Variants in CNPY1 observed in about 807,000 individuals in gnomAD.
CNPY1 encodes protein canopy homolog 1.
Under a neutral mutation model 14.4 loss-of-function variants are expected in CNPY1, and 14 were observed. The ratio of observed to expected loss-of-function variants is 0.97; its 90% CI spans 0.64 to 1.52. CNPY1 has a LOEUF of 1.52. CNPY1 is among the 40% of genes most tolerant of loss of function. The pLI, the probability that CNPY1 is intolerant of heterozygous loss-of-function variation, is 0.00. For synonymous variants in CNPY1, 43 were observed against 46.5 expected (o/e 0.92, Z 0.31); for missense variants, 129 against 131.5 (o/e 0.98, Z 0.09).
chr7:155,528,887 T>C (rs543698312), intron 2 of CNPY1, among the ~76,000 whole-genome samples: 1,725 of 152,108 alleles, frequency 0.011, 26 homozygotes, highest in African/African-American at 0.038. Context: ...GATGAAACTG[T>C]GTCTCTACTA....
chr7:155,530,805 C>A (rs1163234960), intron 2 of CNPY1, among the ~76,000 whole-genome samples: 1 of 152,212 alleles, frequency 6.6e-6, no homozygotes, highest in Non-Finnish European at 1.5e-5. Context: ...CTGTGCACTG[C>A]GGTGCTGAGC....
At chr7:155,504,237 G>T (rs983249591) in intron 4 of CNPY1, among the ~76,000 whole-genome samples, 4 of 151,900 alleles carry the variant, frequency 2.6e-5, no homozygotes, top group African/African-American at 9.7e-5. Context: ...ACCTTTCATG[G>T]ATATTTTTTT....
chr7:155,504,905 G>A (rs1007389740), intron 4 of CNPY1, among the ~76,000 whole-genome samples: 5 of 152,130 alleles, frequency 3.3e-5, no homozygotes, highest in Admixed American at 6.5e-5. Flanking sequence ...AGTCTTCTAC[G>A]GTACGAACAT....
At chr7:155,522,173 C>CT (rs1796738862) in intron 2 of CNPY1, among the ~76,000 whole-genome samples, 2 of 152,270 alleles carry the variant, frequency 1.3e-5, no homozygotes, top group South Asian at 4.1e-4. Flanking sequence ...CTGAGGATGC[C>CT]TTCTGGGCCA....
At chr7:155,507,471 T>TAAAAAAAAAAAAAAAAAAAAAAAAAAAA (rs35711313) in intron 3 of CNPY1, among the ~76,000 whole-genome samples, 2 of 54,144 alleles carry the variant, frequency 3.7e-5, no homozygotes, top group African/African-American at 2.0e-4. Flanking sequence ...GTTTTTAAAC[T>TAAAAAAAAAAAAAAAAAAAAAAAAAAAA]AAAAAAAAAA....
chr7:155,516,802 C>T (rs970746159), intron 2 of CNPY1, among the ~76,000 whole-genome samples: 2 of 152,296 alleles, frequency 1.3e-5, no homozygotes, highest in South Asian at 2.1e-4. Context: ...CTTGGTCCCG[C>T]CTGGCCACCT....
intron 2 of CNPY1, among the ~76,000 whole-genome samples, chr7:155,542,340 A>AC (rs1701064060): frequency 1.3e-5 from 2 of 151,910 alleles, no homozygotes; most frequent in Non-Finnish European, 2.9e-5. Context: ...CCAAGGAGTG[A>AC]CCCCCCAACC....
intron 2 of CNPY1, among the ~76,000 whole-genome samples, chr7:155,528,450 G>T (rs886835881): frequency 6.6e-6 from 1 of 152,202 alleles, no homozygotes; most frequent in African/African-American, 2.4e-5. Flanking sequence ...GCTACGCCGT[G>T]GGGGGATCAG....
At chr7:155,506,954 C>T in intron 4 of CNPY1, 66 bp downstream of exon 4, 1 of 1,099,074 alleles carries the variant, frequency 9.1e-7, no homozygotes. Flanking sequence ...AAACAAGACG[C>T]TGCAAGGCTG....
intron 2 of CNPY1, among the ~76,000 whole-genome samples, chr7:155,516,390 G>A (rs1796622749): frequency 6.6e-6 from 1 of 152,192 alleles, no homozygotes; most frequent in Non-Finnish European, 1.5e-5. Context: ...CAGTGGGAGA[G>A]GATGAGAGTT....
intron 3 of CNPY1, 50 bp downstream of exon 3, chr7:155,508,843 CA>C (rs773905693): frequency 3.7e-5 from 59 of 1,591,572 alleles, no homozygotes; most frequent in Non-Finnish European, 2.2e-5. Context: ...AAAAGAGTTC[CA>C]AAAACACGTT....
At chr7:155,529,573 G>T (rs1049880796) in intron 2 of CNPY1, among the ~76,000 whole-genome samples, 2 of 152,044 alleles carry the variant, frequency 1.3e-5, no homozygotes, top group African/African-American at 4.8e-5. Context: ...GCTTATGGAC[G>T]CATCACTGCC....
At chr7:155,543,973 G>A (rs989218706) in intron 2 of CNPY1, among the ~76,000 whole-genome samples, 7 of 152,274 alleles carry the variant, frequency 4.6e-5, no homozygotes, top group Middle Eastern at 3.4e-3. Flanking sequence ...CAACTTGATC[G>A]CCTTGAAGTG....
chr7:155,507,230 T>C, intron 3 of CNPY1, 114 bp from the exon 4 acceptor site: 1 of 693,630 alleles, frequency 1.4e-6, no homozygotes, highest in Non-Finnish European at 2.6e-6. Flanking sequence ...GTAACCAAGG[T>C]GGTCCATTTT....
chr7:155,524,935 T>C (rs1418330984), intron 2 of CNPY1, among the ~76,000 whole-genome samples: 16 of 152,082 alleles, frequency 1.1e-4, no homozygotes, highest in Admixed American at 9.8e-4. Flanking sequence ...TCAGGTCTAT[T>C]AGGTGGTGGC....
At chr7:155,503,502 C>T (rs1796190267) in intron 4 of CNPY1, among the ~76,000 whole-genome samples, 1 of 152,124 alleles carries the variant, frequency 6.6e-6, no homozygotes, top group African/African-American at 2.4e-5. Flanking sequence ...TTTGATAATG[C>T]TACTTTTCCA....
chr7:155,520,101 C>T (rs1796690522), intron 2 of CNPY1, among the ~76,000 whole-genome samples: 1 of 152,214 alleles, frequency 6.6e-6, no homozygotes, highest in South Asian at 2.1e-4. Flanking sequence ...CCCGTATGCT[C>T]ATATTTCTGG....
intron 2 of CNPY1, among the ~76,000 whole-genome samples, chr7:155,528,234 T>A (rs567146585): frequency 6.6e-6 from 1 of 152,354 alleles, no homozygotes; most frequent in African/African-American, 2.4e-5. Flanking sequence ...AGACCCCTTT[T>A]AATATAAAAT....
chr7:155,507,181 G>A, intron 3 of CNPY1, 65 bp from the exon 4 acceptor site: 1 of 989,944 alleles, frequency 1.0e-6, no homozygotes, highest in Non-Finnish European at 1.6e-6. Context: ...TGTTAGGAAG[G>A]ACTTTGCAAC....
Sources: allele counts gnomAD v4.1 joint callset (sites outside exome capture counted in the v4.1 genomes callset), GRCh38; gene constraint gnomAD v4.1.1; transcripts MANE v1.5; gene names NCBI Gene and HGNC (gene_info 2026-07-23, HGNC 2026-07-21).